Variants in ELP6 observed in about 807,000 individuals in gnomAD.
ELP6 encodes elongator acetyltransferase complex subunit 6.
Under a neutral mutation model 28.1 loss-of-function variants are expected in ELP6, and 23 were observed. The ratio of observed to expected loss-of-function variants is 0.82; its 90% confidence interval spans 0.59 to 1.16. The LOEUF is 1.16. Ranked by LOEUF, ELP6 falls within the 50% of genes most tolerant of loss-of-function variation. The pLI, the probability that ELP6 is intolerant of heterozygous loss-of-function variation, is 0.00. For missense variants in ELP6, 313 were observed against 334.6 expected (o/e 0.94, Z 0.50); for synonymous variants, 132 against 135.8 (o/e 0.97, Z 0.19).
At chr3:47,496,321 A>G (rs1395813033) in intron 6 of ELP6, 124 bp from the exon 7 acceptor site, 1 of 1,435,442 alleles carries the variant, frequency 7.0e-7, no homozygotes, top group South Asian at 1.6e-5. Flanking sequence ...CAGATGTGCC[A>G]TCTGGTAATG....
At chr3:47,504,520 G>A (rs1299618202) in intron 3 of ELP6, 72 bp from the exon 4 acceptor site, 2 of 1,483,470 alleles carry the variant, frequency 1.3e-6, no homozygotes, top group African/African-American at 1.4e-5. Context: ...CAGCTTGCAA[G>A]AGGGCATAAG....
At chr3:47,513,374 C>T (rs1217364771) in intron 1 of ELP6, 163 bp downstream of exon 1, 2 of 1,411,850 alleles carry the variant, frequency 1.4e-6, no homozygotes, top group South Asian at 1.6e-5. Flanking sequence ...CGGGCCCAAG[C>T]CTCCAGTCCA....
intron 4 of ELP6, chr3:47,502,621 GC>G: frequency 5.5e-6 from 5 of 917,394 alleles, no homozygotes; most frequent in Non-Finnish European, 6.5e-6. Flanking sequence ...GATCATTTGA[GC>G]CCAGGAGTTC....
intron 4 of ELP6, chr3:47,503,500 T>C: frequency 8.7e-7 from 1 of 1,152,098 alleles, no homozygotes; most frequent in Non-Finnish European, 1.2e-6. Context: ...CTGTCCCAAC[T>C]ACTCAACTCT....
At chr3:47,508,443 ATGAG>A (rs1044643505) in intron 3 of ELP6, among the ~76,000 whole-genome samples, 21 of 152,086 alleles carry the variant, frequency 1.4e-4, no homozygotes, top group African/African-American at 5.1e-4. Flanking sequence ...TGCACGCCCC[ATGAG>A]TGAGATGATC....
chr3:47,509,952 G>A (rs1708966724), intron 3 of ELP6: 1 of 369,110 alleles, frequency 2.7e-6, no homozygotes, highest in Admixed American at 4.5e-5. Context: ...AGTAGAGATG[G>A]GGTTTCACCA....
Position 47,495,941 on chromosome 3 carries a change from G to T in ELP6, c.*128C>A. 1 of 1,518,986 alleles carries T rather than the reference G, an allele frequency of 6.6e-7. No homozygotes were observed. The highest frequency in any genetic ancestry group is 1.2e-5 in the South Asian group (1 of 84,648). 94.1% of individuals were successfully genotyped at this position (1,518,986 alleles called of 1,614,324 possible). A position where few individuals can be genotyped will look rare whatever the true frequency, so the allele number is the denominator to read the frequency against. ...CCATCACTGCAGCACTCAACCCTCTGGTCACAGTGGAGTCGCCGGTCCAGC... is the reference window on the plus strand; with the variant it reads ...CCATCACTGCAGCACTCAACCCTCTTGTCACAGTGGAGTCGCCGGTCCAGC... On this transcript the variant is annotated 3_prime_UTR_variant, in exon 7 of 7. Transcript: ENST00000296149.
rs1708540079 is a variant in ELP6, at chr3:47,498,323, C to A, written c.635G>T (p.Gly212Val). The A allele has an allele frequency of 3.7e-6, 6 of 1,613,702 alleles. No homozygotes were observed. Among genetic ancestry groups the A allele is most frequent in the Non-Finnish European group, 4.2e-6 (5 of 1,180,034 alleles). ...HQSHLILRAE[G>V]LATGFCRDVH... Reference sequence around the variant, plus strand: ...ATCCCTGCAGAAGCCAGTGGCCAGGCCCTCAGCCCGCAGTATCAGATGGCT... The same window carrying A: ...ATCCCTGCAGAAGCCAGTGGCCAGGACCTCAGCCCGCAGTATCAGATGGCT... Residue 212 changes from glycine (G) to valine (V), a missense_variant, in exon 6 of 7, where the codon GGC becomes GTC. Gly to Val is a moderately radical substitution (Grantham distance 109). Transcript: ENST00000296149.
chr3:47,503,488 C>T, intron 4 of ELP6: 1 of 1,241,976 alleles, frequency 8.1e-7, no homozygotes, highest in Non-Finnish European at 1.1e-6. Context: ...GTCATATGGT[C>T]TCTGTCCCAA....
In ELP6 at chr3:47,495,823, T is replaced by C; in HGVS notation, c.*246A>G. 2.0e-6 allele frequency: 1 copy of C among 506,624 alleles called. No individual in the cohort carries two copies. The allele number at this position is 506,624 out of a possible 1,614,324, so 31.4% of individuals were successfully genotyped here. On this transcript the variant is annotated 3_prime_UTR_variant, in exon 7 of 7. Transcript: ENST00000296149. Reference sequence around the variant, plus strand: ...AAACAAAGGCTCCAAAGGACCCCTTTCACTTGGGTCTAGCATCCAGCCTCT... The same window carrying C: ...AAACAAAGGCTCCAAAGGACCCCTTCCACTTGGGTCTAGCATCCAGCCTCT...
chr3:47,510,166 GA>G lies in ELP6; in HGVS notation c.204+17del. The G allele has an allele frequency of 1.0e-5, 16 of 1,604,948 alleles. No homozygotes were observed. Among genetic ancestry groups the G allele is most frequent in the Non-Finnish European group, 1.3e-5 (15 of 1,171,708 alleles). ...ACACTCACTCAGGGACCTCATCATG[GA>G]GCTCCAAAATATTTACCAGCTTCTG... is the stretch of plus-strand genomic sequence containing the variant. On this transcript the variant is annotated intron_variant, in intron 3 of 6. Transcript: ENST00000296149.
intron 3 of ELP6, among the ~76,000 whole-genome samples, chr3:47,505,707 G>A (rs1708813470): frequency 2.6e-5 from 4 of 152,240 alleles, no homozygotes; most frequent in Middle Eastern, 3.4e-3. Context: ...GAGTAGCTGG[G>A]ATTACAAGCA....
rs1336593454 is a variant in ELP6, at chr3:47,499,887, A to G, written c.526-1455T>C. 5 of 1,270,880 alleles carry G rather than the reference A, an allele frequency of 3.9e-6. No individual in the cohort carries two copies. In the African/African-American group the frequency reaches 7.8e-5, roughly 20 times the overall value. The allele number at this position is 1,270,880 out of a possible 1,614,324, so 78.7% of individuals were successfully genotyped here. On this transcript the variant is annotated intron_variant, in intron 5 of 6. Transcript: ENST00000296149. ...CAGGAGAAGCTGCAGTGGGACCCGG[A>G]GGCGAAGCATATGGAGGTGGAGGAC...
chr3:47,511,984 TTACC>T, intron 1 of ELP6: 1 of 984,546 alleles, frequency 1.0e-6, no homozygotes, highest in African/African-American at 1.7e-5. Flanking sequence ...ACCTTCAGTG[TTACC>T]CCTAGTGCTG....
In ELP6 at chr3:47,495,949, T is replaced by C. The variant is rs1371108926; in HGVS notation, c.*120A>G. ...GCAGCACTCAACCCTCTGGTCACAGTGGAGTCGCCGGTCCAGCCTGAAATA... is the reference window on the plus strand; with the variant it reads ...GCAGCACTCAACCCTCTGGTCACAGCGGAGTCGCCGGTCCAGCCTGAAATA... On this transcript the variant is annotated 3_prime_UTR_variant, in exon 7 of 7. Transcript: ENST00000296149. 1.3e-6 allele frequency: 2 copies of C among 1,548,820 alleles called. No homozygotes were observed. Among genetic ancestry groups the C allele is most frequent in the Middle Eastern group, 2.0e-4 (1 of 4,926 alleles).
chr3:47,496,159 G>C lies in ELP6; in HGVS notation c.711C>G (p.Val237=). 1.9e-6 allele frequency: 3 copies of C among 1,614,140 alleles called. No homozygotes were observed. Among genetic ancestry groups the C allele is most frequent in the Non-Finnish European group, 2.5e-6 (3 of 1,180,022 alleles). The change falls in exon 7 of 7, where the codon GTC becomes GTG. Residue 237 remains valine, a synonymous_variant. Transcript: ENST00000296149. ...ILWRRPSQPA[V]HRDQSFTYQY... ...GGTAAGTGAAGCTCTGATCCCGGTG[G>C]ACTGCGGGCTGCGATGGTCTCCTCC...
chr3:47,507,264 G>A (rs1345658138), intron 3 of ELP6, among the ~76,000 whole-genome samples: 1 of 151,504 alleles, frequency 6.6e-6, no homozygotes, highest in East Asian at 1.9e-4. Context: ...GGGAAACTGA[G>A]GCAGGAGAAT....
chr3:47,509,267 CT>C (rs1708941482), intron 3 of ELP6, among the ~76,000 whole-genome samples: 2 of 152,092 alleles, frequency 1.3e-5, no homozygotes, highest in African/African-American at 4.8e-5. Flanking sequence ...TGGCCCAAGA[CT>C]GGCATTTTAA....
chr3:47,511,239 A>G lies in ELP6; in HGVS notation c.55-13T>C. The G allele has an allele frequency of 6.2e-7, 1 of 1,613,872 alleles. No homozygotes were observed. The highest frequency in any genetic ancestry group is 8.5e-7 in the Non-Finnish European group (1 of 1,179,858). Reference sequence around the variant, plus strand: ...GAGTCAGTTTCCCCTAAAAGTTACAAGGAACACAAAAAGGTTAGACTCCCT... The same window carrying G: ...GAGTCAGTTTCCCCTAAAAGTTACAGGGAACACAAAAAGGTTAGACTCCCT... On this transcript the variant is annotated splice_polypyrimidine_tract_variant and intron_variant, in intron 1 of 6. Coordinates refer to ENST00000296149, the MANE Select transcript of ELP6 (RefSeq NM_001031703.3).
Sources: allele counts gnomAD v4.1 joint callset (sites outside exome capture counted in the v4.1 genomes callset), GRCh38; gene constraint gnomAD v4.1.1; transcripts MANE v1.5; gene names NCBI Gene and HGNC (gene_info 2026-07-23, HGNC 2026-07-21).